Variants in PSMB2 observed in about 807,000 individuals in gnomAD.
PSMB2 encodes the protein proteasome subunit beta type-2.
Under a neutral mutation model 25.7 loss-of-function variants are expected in PSMB2, and 13 were observed. The ratio of observed to expected loss-of-function variants is 0.51; its 90% CI spans 0.33 to 0.80. PSMB2 has a LOEUF of 0.80. Among genes scored for constraint, PSMB2 ranks in the 30% least tolerant of loss-of-function variants. The pLI is 0.02. For synonymous variants in PSMB2, 87 were observed against 96.2 expected (o/e 0.90, Z 0.56); for missense variants, 202 against 259.0 (o/e 0.78, Z 1.51).
chr1:35,619,050 C>T (rs1287108833), intron 3 of PSMB2, among the ~76,000 whole-genome samples: 1 of 152,188 alleles, frequency 6.6e-6, no homozygotes, highest in Non-Finnish European at 1.5e-5. Context: ...ATGAGACTGT[C>T]TAAACAATTT....
chr1:35,604,211 T>C (rs1650093735), intron 5 of PSMB2, among the ~76,000 whole-genome samples: 2 of 152,102 alleles, frequency 1.3e-5, no homozygotes, highest in African/African-American at 4.8e-5. Flanking sequence ...AAAAAACTAA[T>C]GTGGCTGGTT....
intron 3 of PSMB2, among the ~76,000 whole-genome samples, chr1:35,628,638 T>A (rs1650990144): frequency 1.3e-5 from 1 of 79,510 alleles, no homozygotes; most frequent in African/African-American, 4.1e-5. Context: ...TATATTTTTT[T>A]TTTTTTTTTT....
Position 35,609,411 on chromosome 1 carries a change from G to GA in PSMB2, c.286-4_286-3insT. Reference sequence around the variant, plus strand: ...AGGAGGTTCACATGATATGGGGTCTGCAAAGAAAAGATATGGCAAAGTGAT... The same window carrying GA: ...AGGAGGTTCACATGATATGGGGTCTGACAAAGAAAAGATATGGCAAAGTGAT... On this transcript the variant is annotated splice_region_variant and splice_polypyrimidine_tract_variant and intron_variant, in intron 3 of 5. Coordinates refer to ENST00000373237, the MANE Select transcript of PSMB2 (RefSeq NM_002794.5). 1 of 1,506,738 alleles carries GA rather than the reference G, an allele frequency of 6.6e-7. No homozygotes were observed. 93.3% of individuals were successfully genotyped at this position (1,506,738 alleles called of 1,614,324 possible).
chr1:35,633,584 C>G (rs928907616), intron 2 of PSMB2, among the ~76,000 whole-genome samples: 1 of 152,170 alleles, frequency 6.6e-6, no homozygotes, highest in African/African-American at 2.4e-5. Context: ...CTCAGGACAG[C>G]CAGTGAAGTC....
At chr1:35,629,992 A>G (rs1651043789) in intron 3 of PSMB2, among the ~76,000 whole-genome samples, 1 of 151,934 alleles carries the variant, frequency 6.6e-6, no homozygotes, top group Admixed American at 6.6e-5. Flanking sequence ...CCTGACCAAC[A>G]TGGAGAAACC....
intron 4 of PSMB2, among the ~76,000 whole-genome samples, chr1:35,608,364 C>CAA (rs112782164): frequency 1.7e-5 from 2 of 120,084 alleles, no homozygotes; most frequent in Admixed American, 8.5e-5. Context: ...GACTCTGCCT[C>CAA]AAAAAAAAAA....
intron 3 of PSMB2, among the ~76,000 whole-genome samples, chr1:35,626,727 C>T (rs905904177): frequency 6.6e-6 from 1 of 152,172 alleles, no homozygotes; most frequent in Non-Finnish European, 1.5e-5. Flanking sequence ...GGATAACACA[C>T]ATCTTATGGT....
chr1:35,626,150 C>T (rs1286282506), intron 3 of PSMB2, among the ~76,000 whole-genome samples: 1 of 152,082 alleles, frequency 6.6e-6, no homozygotes. Flanking sequence ...AGAAAGCAAG[C>T]CTTGAGCATA....
chr1:35,604,555 G>A (rs1056277282), intron 5 of PSMB2, among the ~76,000 whole-genome samples: 6 of 152,142 alleles, frequency 3.9e-5, no homozygotes, highest in African/African-American at 9.7e-5. Context: ...CGAGGCAGGC[G>A]GATCACCTGA....
At chr1:35,605,002 A>G (rs1218545464) in intron 5 of PSMB2, among the ~76,000 whole-genome samples, 1 of 152,210 alleles carries the variant, frequency 6.6e-6, no homozygotes, top group Non-Finnish European at 1.5e-5. Flanking sequence ...TGGTTTGGAT[A>G]AACCAGAAAG....
At chr1:35,641,098 G>A (rs537240830) in intron 1 of PSMB2, among the ~76,000 whole-genome samples, 294 of 152,294 alleles carry the variant, frequency 1.9e-3, no homozygotes, top group Non-Finnish European at 3.2e-3. Context: ...GCTGAGGCAC[G>A]AGAATCGCTT....
chr1:35,605,248 C>T lies in PSMB2; in HGVS notation c.483G>A (p.Arg161=). The T allele has an allele frequency of 6.2e-7, 1 of 1,613,076 alleles. No individual in the cohort carries two copies. The highest frequency in any genetic ancestry group is 8.5e-7 in the Non-Finnish European group (1 of 1,179,554). Residue 161 remains arginine (R), a synonymous_variant, in exon 5 of 6, where the codon AGG becomes AGA. Transcript: ENST00000373237. The part of the protein sequence containing the change: ...ISRERAVELL[R]KCLEELQKRF... ...AACTACTCACCTCCTCCAGACATTT[C>T]CTAAGGAGTTCCACTGCCCTCTCAC...
intron 3 of PSMB2, among the ~76,000 whole-genome samples, chr1:35,611,401 G>C (rs1362574747): frequency 2.6e-5 from 4 of 152,018 alleles, no homozygotes; most frequent in Non-Finnish European, 5.9e-5. Flanking sequence ...GGAGTGCAGT[G>C]GTGCAATCAT....
Position 35,599,793 on chromosome 1 carries a change from G to C in PSMB2, c.*3474C>G. The C allele has an allele frequency of 1.0e-6, 1 of 984,760 alleles. No homozygotes were observed. Among genetic ancestry groups the C allele is most frequent in the Non-Finnish European group, 1.2e-6 (1 of 829,324 alleles). The allele number at this position is 984,760 out of a possible 1,614,324, so 61.0% of individuals were successfully genotyped here. A position where few individuals can be genotyped will look rare whatever the true frequency, so the allele number is the denominator to read the frequency against. ...AGTGAAGTTAGGAGGCTGTTAAATA[G>C]TCTAAGAAACGATAGGGGGTGAACC... is the stretch of plus-strand genomic sequence containing the variant. On this transcript the variant is annotated 3_prime_UTR_variant, in exon 6 of 6. Coordinates refer to ENST00000373237, the MANE Select transcript of PSMB2 (RefSeq NM_002794.5).
At chr1:35,605,139 G>T in intron 5 of PSMB2, 94 bp downstream of exon 5, 1 of 1,299,658 alleles carries the variant, frequency 7.7e-7, no homozygotes, top group Non-Finnish European at 1.1e-6. Context: ...ACACCTTCTG[G>T]CAAAAATCTG....
At chr1:35,625,470 A>T (rs562399192) in intron 3 of PSMB2, among the ~76,000 whole-genome samples, 1 of 152,264 alleles carries the variant, frequency 6.6e-6, no homozygotes, top group African/African-American at 2.4e-5. Flanking sequence ...ATTCATTTTA[A>T]GTAAGAAATA....
chr1:35,631,229 A>T (rs749616454), intron 3 of PSMB2, 45 bp downstream of exon 3: 9 of 1,579,436 alleles, frequency 5.7e-6, no homozygotes, highest in Non-Finnish European at 7.0e-6. Flanking sequence ...AAGAAGCACA[A>T]AGGATTTTTC....
chr1:35,638,834 T>G (rs1170152736), intron 1 of PSMB2, among the ~76,000 whole-genome samples: 1 of 152,246 alleles, frequency 6.6e-6, no homozygotes, highest in Admixed American at 6.5e-5. Flanking sequence ...AGTGACATAC[T>G]GGACAATTGA....
chr1:35,636,415 T>C lies in PSMB2; in HGVS notation c.109A>G (p.Lys37Glu). Residue 37 changes from lysine (K) to glutamate (E), a missense_variant, in exon 2 of 6, where the codon AAG becomes GAG. Transcript: ENST00000373237. The stretch of plus-strand genomic sequence containing the variant: ...AGGAGTAATATCTTTTCACTCATCT[T>C]AAACATCTTGTCATGATCTGCTCAA... ...QMKDDHDKMF[K>E]MSEKILLLCV... 3 of 1,614,084 alleles carry C rather than the reference T, an allele frequency of 1.9e-6. No individual in the cohort carries two copies. The highest frequency in any genetic ancestry group is 2.5e-6 in the Non-Finnish European group (3 of 1,179,976).
Sources: gnomAD v4.1 joint callset for allele counts (sites outside exome capture counted in the v4.1 genomes callset) on GRCh38, gnomAD v4.1.1 for gene constraint, MANE v1.5 for transcripts, NCBI Gene and HGNC (gene_info 2026-07-23, HGNC 2026-07-21) for gene names.